FAM13C: variants seen among roughly 807,000 people sequenced by gnomAD.
FAM13C encodes protein FAM13C.
Under a neutral mutation model 73.2 loss-of-function variants are expected in FAM13C, and 37 were observed. That is an observed-to-expected ratio of 0.51 (90% CI 0.39 to 0.67). FAM13C has a LOEUF of 0.67. FAM13C is among the 30% of genes least tolerant of loss of function. FAM13C has a pLI of 0.00. For synonymous variants in FAM13C, 246 were observed against 260.9 expected (o/e 0.94, Z 0.55); for missense variants, 589 against 715.6 (o/e 0.82, Z 2.02).
intron 5 of FAM13C, among the ~76,000 whole-genome samples, chr10:59,299,872 GA>G (rs1374601247): frequency 1.3e-5 from 2 of 151,770 alleles, no homozygotes. Context: ...TTTTTTTCTG[GA>G]AAAAACTCCT....
At chr10:59,257,460 A>G (rs972761813) in intron 10 of FAM13C, among the ~76,000 whole-genome samples, 1 of 152,182 alleles carries the variant, frequency 6.6e-6, no homozygotes, top group Admixed American at 6.5e-5. Context: ...CTTCCACAGT[A>G]AGCCACAGAA....
chr10:59,313,566 C>A (rs561322841), intron 4 of FAM13C, among the ~76,000 whole-genome samples: 1 of 152,262 alleles, frequency 6.6e-6, no homozygotes, highest in African/African-American at 2.4e-5. Flanking sequence ...CCAAGTTGAG[C>A]AAGCGAGTCC....
upstream of FAM13C, chr10:59,362,569 G>T: frequency 1.0e-5 from 16 of 1,546,058 alleles, no homozygotes; most frequent in Non-Finnish European, 1.4e-5. Context: ...CGGCACGCTC[G>T]CTCTACCTTG....
intron 3 of FAM13C, among the ~76,000 whole-genome samples, chr10:59,334,403 A>C (rs1234707045): frequency 6.6e-6 from 1 of 152,236 alleles, no homozygotes; most frequent in South Asian, 2.1e-4. Flanking sequence ...GTCAAAACTT[A>C]CTGGGTATAT....
chr10:59,299,284 C>G (rs913255951), intron 5 of FAM13C, among the ~76,000 whole-genome samples: 17 of 152,102 alleles, frequency 1.1e-4, no homozygotes, highest in African/African-American at 3.6e-4. Context: ...AAAAAAATCT[C>G]TGAAAGGACA....
chr10:59,257,081 A>G (rs1371976499), intron 10 of FAM13C, among the ~76,000 whole-genome samples: 1 of 152,196 alleles, frequency 6.6e-6, no homozygotes, highest in African/African-American at 2.4e-5. Context: ...CATAAAGATA[A>G]ATAAAAGGAG....
intron 1 of FAM13C, among the ~76,000 whole-genome samples, chr10:59,359,591 G>T (rs138336389): frequency 2.0e-5 from 3 of 152,342 alleles, no homozygotes; most frequent in African/African-American, 7.2e-5. Context: ...CAAAACAGAA[G>T]TCTCCAGCCC....
chr10:59,342,192 A>C (rs16913442), intron 3 of FAM13C, among the ~76,000 whole-genome samples: 16,537 of 152,144 alleles, frequency 0.11, 1,208 homozygotes, highest in East Asian at 0.33. Context: ...CTTTTTGAGA[A>C]CATCTATCAA....
chr10:59,286,603 G>C (rs563591328), intron 5 of FAM13C, among the ~76,000 whole-genome samples: 237 of 149,042 alleles, frequency 1.6e-3, no homozygotes, highest in Non-Finnish European at 2.7e-3. Flanking sequence ...TGGGACATAG[G>C]GAGGAGATGG....
chr10:59,299,116 T>A (rs1195361379), intron 5 of FAM13C, among the ~76,000 whole-genome samples: 2 of 152,202 alleles, frequency 1.3e-5, no homozygotes, highest in East Asian at 3.9e-4. Flanking sequence ...GGATTTTAAA[T>A]GTTCTCATCA....
At chr10:59,290,215 C>T (rs977439660) in intron 5 of FAM13C, among the ~76,000 whole-genome samples, 4 of 152,198 alleles carry the variant, frequency 2.6e-5, no homozygotes, top group African/African-American at 9.7e-5. Context: ...AGAGAACACC[C>T]ACACAGGCTG....
chr10:59,343,953 T>TA (rs1853872338), intron 3 of FAM13C, among the ~76,000 whole-genome samples: 2 of 150,850 alleles, frequency 1.3e-5, no homozygotes, highest in South Asian at 4.2e-4. Flanking sequence ...CTATTTCTTT[T>TA]TTTTTTTCTT....
At chr10:59,262,286 AGTAACCTG>A in intron 10 of FAM13C, 140 bp downstream of exon 10, 2 of 666,176 alleles carry the variant, frequency 3.0e-6, no homozygotes, top group East Asian at 5.4e-5. Flanking sequence ...GCTCGTGGCC[AGTAACCTG>A]TCAGGAACTC....
chr10:59,294,125 A>G (rs1681870380), intron 5 of FAM13C, among the ~76,000 whole-genome samples: 1 of 150,972 alleles, frequency 6.6e-6, no homozygotes. Flanking sequence ...GGACTTTATA[A>G]AAAAACTCAC....
chr10:59,262,405 C>T (rs1031208398), intron 10 of FAM13C, 29 bp downstream of exon 10: 1 of 1,596,416 alleles, frequency 6.3e-7, no homozygotes, highest in Non-Finnish European at 8.6e-7. Context: ...CTACAGGGGC[C>T]CTCTATATAA....
intron 3 of FAM13C, among the ~76,000 whole-genome samples, chr10:59,345,001 G>C (rs1854110023): frequency 6.6e-6 from 1 of 152,088 alleles, no homozygotes; most frequent in Admixed American, 6.5e-5. Flanking sequence ...TATAATGTTA[G>C]AAACTCTCTT....
intron 13 of FAM13C, 146 bp from the exon 14 acceptor site, chr10:59,247,883 C>T (rs1254310926): frequency 1.5e-6 from 1 of 671,070 alleles, no homozygotes; most frequent in African/African-American, 1.8e-5. Flanking sequence ...CTTTCACCTT[C>T]ATTCACTCCT....
chr10:59,247,870 T>G (rs1840868588), intron 13 of FAM13C, 133 bp from the exon 14 acceptor site: 2 of 769,236 alleles, frequency 2.6e-6, no homozygotes, highest in African/African-American at 1.8e-5. Context: ...TTCTTTTCCT[T>G]CCCTTTCACC....
intron 4 of FAM13C, among the ~76,000 whole-genome samples, chr10:59,314,056 T>C (rs962421142): frequency 4.6e-5 from 7 of 152,152 alleles, no homozygotes; most frequent in South Asian, 2.1e-4. Flanking sequence ...ACATTGAACA[T>C]GTTCTAACTA....
Sources: gnomAD v4.1 joint callset for allele counts (sites outside exome capture counted in the v4.1 genomes callset) on GRCh38, gnomAD v4.1.1 for gene constraint, MANE v1.5 for transcripts, NCBI Gene and HGNC (gene_info 2026-07-23, HGNC 2026-07-21) for gene names.